GRIK4: variants seen among roughly 807,000 people sequenced by gnomAD.
GRIK4 encodes the protein glutamate ionotropic receptor kainate type subunit 4, also known as glutamate receptor ionotropic, kainate 4.
A neutral mutation model predicts 104.9 loss-of-function variants in GRIK4; 40 were observed. That is an observed-to-expected ratio of 0.38 (90% CI 0.30 to 0.50). The LOEUF (loss-of-function observed/expected upper bound fraction) is 0.50. Ranked by LOEUF, GRIK4 falls within the 20% of genes least tolerant of loss-of-function variation. GRIK4 has a pLI of 0.93. For missense variants in GRIK4, 1,047 were observed against 1,308.1 expected (o/e 0.80, Z 3.08); for synonymous variants, 485 against 524.9 (o/e 0.92, Z 1.04).
chr11:120,651,171 GTGTC>G (rs997194538), intron 1 of GRIK4, among the ~76,000 whole-genome samples: 1 of 152,224 alleles, frequency 6.6e-6, no homozygotes, highest in African/African-American at 2.4e-5. Context: ...TGCCATCAGA[GTGTC>G]TGTGTACAAG....
At chr11:120,918,518 A>G (rs1231109884) in intron 13 of GRIK4, among the ~76,000 whole-genome samples, 1 of 152,216 alleles carries the variant, frequency 6.6e-6, no homozygotes, top group African/African-American at 2.4e-5. Flanking sequence ...TGAAGGAGGA[A>G]TGGGGTGTGA....
intron 11 of GRIK4, among the ~76,000 whole-genome samples, chr11:120,888,281 A>C (rs1002783983): frequency 3.9e-5 from 6 of 152,114 alleles, no homozygotes; most frequent in Non-Finnish European, 1.5e-5. Flanking sequence ...ATCTAGTAGC[A>C]TAACAGACCT....
intron 11 of GRIK4, among the ~76,000 whole-genome samples, chr11:120,893,619 A>G (rs1160391773): frequency 6.6e-6 from 1 of 152,212 alleles, no homozygotes; most frequent in Non-Finnish European, 1.5e-5. Context: ...CCCTGTGAGT[A>G]TGGCGGGCAC....
At chr11:120,968,641 G>A (rs907758926) in intron 19 of GRIK4, among the ~76,000 whole-genome samples, 3 of 152,184 alleles carry the variant, frequency 2.0e-5, no homozygotes, top group African/African-American at 7.2e-5. Flanking sequence ...TGCCCTCAGA[G>A]GAACTGAGTG....
chr11:120,940,961 C>T lies in GRIK4; in HGVS notation c.1590+501C>T, dbSNP rs1346892718. Among the ~76,000 whole-genome samples the T allele has an allele frequency of 2.0e-5, 3 of 152,138 alleles. No homozygotes were observed. The highest frequency in any genetic ancestry group is 2.9e-5 in the Non-Finnish European group (2 of 68,026). ...CTGCCCTTTTCTGCATTCCATGCCC[C>T]CATCAGAAAGACTCCTCTGGCTAGG... On this transcript the variant is annotated intron_variant, in intron 14 of 20. Coordinates refer to ENST00000527524, the MANE Select transcript of GRIK4 (RefSeq NM_014619.5). This position sits in a 1 kb window ranked among gnomAD's most constrained non-coding sequence, Gnocchi z 4.3.
At chr11:120,907,345 A>G (rs1324283473) in intron 13 of GRIK4, among the ~76,000 whole-genome samples, 1 of 152,120 alleles carries the variant, frequency 6.6e-6, no homozygotes, top group African/African-American at 2.4e-5. Context: ...TAGCCCCCTA[A>G]TGAGCTGTGA....
chr11:120,679,264 C>A (rs115911945), intron 3 of GRIK4, among the ~76,000 whole-genome samples: 1 of 152,182 alleles, frequency 6.6e-6, no homozygotes, highest in Non-Finnish European at 1.5e-5. Flanking sequence ...TCTGGAGAGA[C>A]CACATGTCCC....
intron 3 of GRIK4, among the ~76,000 whole-genome samples, chr11:120,711,115 A>G (rs1019575332): frequency 6.6e-6 from 1 of 152,128 alleles, no homozygotes. Context: ...AGTGTCTCTG[A>G]TGAATCCTGC....
intron 3 of GRIK4, among the ~76,000 whole-genome samples, chr11:120,722,958 T>A (rs73012306): frequency 0.035 from 5,277 of 152,322 alleles, 115 homozygotes; most frequent in East Asian, 0.092. Flanking sequence ...CTAACAGGGC[T>A]TTATCCTGAC....
chr11:120,929,638 G>A (rs984325561), intron 13 of GRIK4, among the ~76,000 whole-genome samples: 1 of 152,206 alleles, frequency 6.6e-6, no homozygotes, highest in African/African-American at 2.4e-5. Flanking sequence ...CTCTGGCTCA[G>A]CCTGGGCCTG....
chr11:120,962,408 G>T, intron 17 of GRIK4, 48 bp from the exon 18 acceptor site: 1 of 1,362,688 alleles, frequency 7.3e-7, no homozygotes, highest in Non-Finnish European at 1.0e-6. Flanking sequence ...TTAAGCCAAC[G>T]TTTCCTTCCT....
intron 1 of GRIK4, among the ~76,000 whole-genome samples, chr11:120,627,652 C>T (rs1949278939): frequency 6.6e-6 from 1 of 152,134 alleles, no homozygotes; most frequent in African/African-American, 2.4e-5. Flanking sequence ...TGGCTGCTGC[C>T]CCCTCCCTGA....
At position 120,920,318 on chromosome 11, in the gene GRIK4, G is replaced by A. The variant is rs1266755829; in HGVS notation, c.1476+14825G>A. On this transcript the variant is annotated intron_variant, in intron 13 of 20. Transcript: ENST00000527524. ...TCTCCTCTCCTTCCCTCCCCACGTA[G>A]GGCTGTATTTTCACCTCCTCTTCTG... 7.2e-5 allele frequency among the ~76,000 whole-genome samples: 11 copies of A among 152,236 alleles called. No homozygotes were observed. The South Asian group carries it at 2.3e-3, about 32-fold the overall frequency.
At chr11:120,888,533 A>G (rs1955184369) in intron 11 of GRIK4, among the ~76,000 whole-genome samples, 1 of 152,220 alleles carries the variant, frequency 6.6e-6, no homozygotes, top group Non-Finnish European at 1.5e-5. Flanking sequence ...AGTTATAACA[A>G]GTGACCAGGA....
intron 13 of GRIK4, among the ~76,000 whole-genome samples, chr11:120,934,014 C>G (rs1943536881): frequency 6.6e-6 from 1 of 152,004 alleles, no homozygotes; most frequent in Non-Finnish European, 1.5e-5. Context: ...ACCATCCTGG[C>G]TAACACAGTG....
At chr11:120,980,964 T>C (rs572029551) in intron 19 of GRIK4, among the ~76,000 whole-genome samples, 1 of 152,298 alleles carries the variant, frequency 6.6e-6, no homozygotes, top group Non-Finnish European at 1.5e-5. Context: ...TAGCGTCGAT[T>C]TCTGATCTGG....
intron 2 of GRIK4, among the ~76,000 whole-genome samples, chr11:120,659,111 C>G (rs893418258): frequency 6.6e-6 from 1 of 152,074 alleles, no homozygotes; most frequent in South Asian, 2.1e-4. Flanking sequence ...TGCTCATCAG[C>G]CGCACCCTCA....
intron 13 of GRIK4, among the ~76,000 whole-genome samples, chr11:120,908,835 C>G (rs1388682691): frequency 6.6e-6 from 1 of 152,184 alleles, no homozygotes. Context: ...GCGCCCAGAC[C>G]CTTTGGCCAC....
chr11:120,971,421 G>A (rs1050563940), intron 19 of GRIK4, among the ~76,000 whole-genome samples: 1 of 152,210 alleles, frequency 6.6e-6, no homozygotes, highest in African/African-American at 2.4e-5. Flanking sequence ...GACTTTGGAG[G>A]AGGAAAAGTC....
Sources: gnomAD v4.1 joint callset for allele counts (sites outside exome capture counted in the v4.1 genomes callset) on GRCh38, gnomAD v4.1.1 for gene constraint, Gnocchi (gnomAD v3.1) non-coding constraint, MANE v1.5 for transcripts, NCBI Gene and HGNC (gene_info 2026-07-23, HGNC 2026-07-21) for gene names.